Variants in GALNT13 observed in about 807,000 individuals in gnomAD.
GALNT13 encodes UDP-GalNAc:polypeptide N-acetylgalactosaminyltransferase 13.
In GALNT13, 28 loss-of-function variants were observed where a neutral mutation model predicts 64.2. The observed-to-expected ratio is 0.44, with a 90% CI of 0.32 to 0.60. GALNT13 has a LOEUF of 0.60. GALNT13 is among the 20% of genes least tolerant of loss of function. The probability of loss-of-function intolerance (pLI) is 0.05; values close to 1 mark genes in which losing one functional copy is unlikely to be tolerated. For synonymous variants in GALNT13, 214 were observed against 224.6 expected (o/e 0.95, Z 0.42); for missense variants, 577 against 669.8 (o/e 0.86, Z 1.53).
At chr2:154,161,718 C>T (rs1466292976) in intron 4 of GALNT13, among the ~76,000 whole-genome samples, 1 of 151,852 alleles carries the variant, frequency 6.6e-6, no homozygotes, top group Non-Finnish European at 1.5e-5. Flanking sequence ...GTTATAACCT[C>T]TTATAAACAA....
rs1207714576 is a variant in GALNT13, at chr2:154,301,460, C to T, written c.1027C>T (p.His343Tyr). ...LEIVTCSHVG[H>Y]VFRKATPYTF... ...GATTGTTACTTGCTCCCATGTTGGT[C>T]ATGTTTTTCGGAAGGCAACTCCATA... is the stretch of plus-strand genomic sequence containing the variant. The change falls in exon 9 of 13, where the codon CAT (histidine) becomes TAT (tyrosine). Residue 343 changes from histidine (H) to tyrosine (Y), a missense_variant. His to Tyr is a moderately conservative substitution (Grantham distance 83). This residue lies in a region of GALNT13 where 232 missense variants were observed against 270.6 expected (regional missense o/e 0.86). Coordinates refer to ENST00000392825, the MANE Select transcript of GALNT13 (RefSeq NM_052917.4). The T allele has an allele frequency of 1.2e-6, 2 of 1,613,602 alleles. No individual in the cohort carries two copies. Among genetic ancestry groups the T allele is most frequent in the South Asian group, 1.1e-5 (1 of 91,026 alleles).
At chr2:153,821,435 A>C in the GALNT13 span, among the ~76,000 whole-genome samples, 2 of 152,178 alleles carry the variant, frequency 1.3e-5, no homozygotes, top group Non-Finnish European at 2.9e-5. Context: ...AATACCAAGA[A>C]GATATCTCAA....
intron 3 of GALNT13, among the ~76,000 whole-genome samples, chr2:153,950,070 A>AT (rs1264979668): frequency 1.7e-5 from 1 of 59,634 alleles, no homozygotes; most frequent in African/African-American, 7.2e-5. Context: ...TTACTGCAAA[A>AT]AAATTGATAA....
the GALNT13 span, among the ~76,000 whole-genome samples, chr2:153,793,579 T>A: frequency 2.6e-5 from 4 of 152,000 alleles, no homozygotes; most frequent in Non-Finnish European, 5.9e-5. Context: ...AAATCAAAGT[T>A]ATAGAACTGA....
At chr2:153,843,645 A>C in the GALNT13 span, among the ~76,000 whole-genome samples, 15 of 152,342 alleles carry the variant, frequency 9.8e-5, no homozygotes, top group African/African-American at 3.6e-4. Flanking sequence ...CAAAACATAA[A>C]ATCCAAGGTT....
the GALNT13 span, among the ~76,000 whole-genome samples, chr2:153,725,238 T>C: frequency 6.8e-6 from 1 of 148,098 alleles, no homozygotes; most frequent in Non-Finnish European, 1.5e-5. Flanking sequence ...TTCTCCCTCA[T>C]AGGTGGGAAT....
At chr2:153,631,063 T>A in the GALNT13 span, among the ~76,000 whole-genome samples, 13 of 151,710 alleles carry the variant, frequency 8.6e-5, no homozygotes, top group East Asian at 2.2e-3. Context: ...ATGCAGTGTT[T>A]GGTTTTCTCT....
chr2:153,630,912 T>C, the GALNT13 span, among the ~76,000 whole-genome samples: 4 of 149,252 alleles, frequency 2.7e-5, no homozygotes, highest in Admixed American at 6.7e-5. Flanking sequence ...CTGCACCCAT[T>C]AAATCATCAT....
At chr2:153,841,644 C>G in the GALNT13 span, among the ~76,000 whole-genome samples, 2 of 152,094 alleles carry the variant, frequency 1.3e-5, no homozygotes, top group Admixed American at 6.6e-5. Context: ...CTGAAATACA[C>G]AGCATAATAT....
At chr2:153,523,039 T>G in the GALNT13 span, among the ~76,000 whole-genome samples, 4 of 134,362 alleles carry the variant, frequency 3.0e-5, no homozygotes. Flanking sequence ...GGTCTGTGTT[T>G]ACTATTTTTT....
chr2:153,795,001 A>G, the GALNT13 span, among the ~76,000 whole-genome samples: 2 of 152,328 alleles, frequency 1.3e-5, no homozygotes, highest in East Asian at 1.9e-4. Context: ...GTTTCAAAAC[A>G]CAGGTGACAC....
chr2:154,214,768 T>A (rs1178834152), intron 4 of GALNT13, among the ~76,000 whole-genome samples: 2 of 152,294 alleles, frequency 1.3e-5, no homozygotes, highest in South Asian at 2.1e-4. Context: ...AAATTAAACC[T>A]CTTGCCTTTA....
At chr2:153,861,230 C>T in the GALNT13 span, among the ~76,000 whole-genome samples, 1 of 152,290 alleles carries the variant, frequency 6.6e-6, no homozygotes, top group South Asian at 2.1e-4. Flanking sequence ...ATTTAATTCT[C>T]AAAATATCTA....
At chr2:153,621,284 A>G in the GALNT13 span, among the ~76,000 whole-genome samples, 2 of 152,280 alleles carry the variant, frequency 1.3e-5, no homozygotes, top group Admixed American at 1.3e-4. Context: ...CTATCAGTAC[A>G]AATACTCACC....
At chr2:154,339,989 A>G (rs1214553945) in intron 9 of GALNT13, among the ~76,000 whole-genome samples, 1 of 152,144 alleles carries the variant, frequency 6.6e-6, no homozygotes, top group Non-Finnish European at 1.5e-5. Context: ...CAGGTGTATT[A>G]GGTCATATTA....
At chr2:154,243,541 T>TTATACA (rs1246357161) in intron 6 of GALNT13, among the ~76,000 whole-genome samples, 1 of 152,174 alleles carries the variant, frequency 6.6e-6, no homozygotes, top group Non-Finnish European at 1.5e-5. Context: ...CAATGTCACC[T>TTATACA]TATACATACA....
chr2:153,845,883 AG>A, the GALNT13 span, among the ~76,000 whole-genome samples: 2 of 152,210 alleles, frequency 1.3e-5, no homozygotes, highest in African/African-American at 4.8e-5. Context: ...TTTCAAAAAA[AG>A]AATAAACAAT....
the GALNT13 span, among the ~76,000 whole-genome samples, chr2:153,161,341 C>T: frequency 6.6e-6 from 1 of 152,268 alleles, no homozygotes; most frequent in South Asian, 2.1e-4. Flanking sequence ...CTCTTCTAGA[C>T]ACCAAGGATA....
chr2:154,296,068 G>A (rs564499948), intron 8 of GALNT13, among the ~76,000 whole-genome samples: 4 of 152,230 alleles, frequency 2.6e-5, no homozygotes, highest in Admixed American at 6.5e-5. Flanking sequence ...TTCTCAAAGT[G>A]TGCCTCCTTG....
Sources: allele counts gnomAD v4.1 joint callset (sites outside exome capture counted in the v4.1 genomes callset), GRCh38; gene constraint gnomAD v4.1.1; regional missense constraint gnomAD v4.1.1; transcripts MANE v1.5; gene names NCBI Gene and HGNC (gene_info 2026-07-23, HGNC 2026-07-21).